MAP3K5: variants seen among roughly 807,000 people sequenced by gnomAD.
MAP3K5 encodes mitogen-activated protein kinase kinase kinase 5.
In MAP3K5, 56 loss-of-function variants were observed where a neutral mutation model predicts 158.7. The observed-to-expected ratio is 0.35, with a 90% CI of 0.28 to 0.44. The LOEUF is 0.44. Ranked by LOEUF, MAP3K5 falls within the 20% of genes least tolerant of loss-of-function variation. The probability of loss-of-function intolerance (pLI) is 1.00; values close to 1 mark genes in which losing one functional copy is unlikely to be tolerated. For missense variants in MAP3K5, 1,294 were observed against 1,674.8 expected, an observed-to-expected ratio of 0.77 and a Z score of 3.97; for synonymous variants, 579 against 601.7, an observed-to-expected ratio of 0.96 and a Z score of 0.55.
intron 9 of MAP3K5, among the ~76,000 whole-genome samples, chr6:136,657,144 T>C (rs760610258): frequency 6.6e-6 from 1 of 152,188 alleles, no homozygotes; most frequent in Non-Finnish European, 1.5e-5. Context: ...CTTTCCTAAA[T>C]AGACACTTCA....
At chr6:136,637,694 A>T (rs1343608522) in intron 13 of MAP3K5, among the ~76,000 whole-genome samples, 12 of 151,630 alleles carry the variant, frequency 7.9e-5, no homozygotes, top group Non-Finnish European at 1.6e-4. Flanking sequence ...CATTTCAGAG[A>T]CAAGCAAAGT....
chr6:136,767,119 A>G (rs184730925), intron 1 of MAP3K5, among the ~76,000 whole-genome samples: 17 of 152,322 alleles, frequency 1.1e-4, no homozygotes, highest in Admixed American at 1.0e-3. Context: ...TCTATAATAA[A>G]TCTTTCAAAA....
intron 7 of MAP3K5, among the ~76,000 whole-genome samples, chr6:136,671,666 C>T (rs1038872033): frequency 6.6e-5 from 10 of 152,102 alleles, no homozygotes; most frequent in African/African-American, 1.4e-4. Flanking sequence ...TAGGCTGGAG[C>T]GCAGTGACAC....
chr6:136,636,768 A>G (rs1373074239), intron 14 of MAP3K5: 1 of 916,604 alleles, frequency 1.1e-6, no homozygotes, highest in East Asian at 1.2e-4. Flanking sequence ...CATAACGAGA[A>G]CAAGTCTCTA....
intron 19 of MAP3K5, 134 bp from the exon 20 acceptor site, chr6:136,602,113 A>C: frequency 1.5e-6 from 1 of 676,604 alleles, no homozygotes; most frequent in Non-Finnish European, 2.5e-6. Flanking sequence ...GGCTTTTCTC[A>C]AAGGGAGATA....
At chr6:136,776,682 C>G (rs746565181) in intron 1 of MAP3K5, among the ~76,000 whole-genome samples, 11 of 152,228 alleles carry the variant, frequency 7.2e-5, no homozygotes, top group Non-Finnish European at 1.5e-4. Flanking sequence ...AATTCTTTAG[C>G]TTGGAGTTGT....
At chr6:136,730,862 T>C (rs767530451) in intron 1 of MAP3K5, among the ~76,000 whole-genome samples, 5 of 151,846 alleles carry the variant, frequency 3.3e-5, no homozygotes, top group Non-Finnish European at 7.4e-5. Context: ...ATATACCCAA[T>C]AGAAACACAG....
At chr6:136,772,101 G>T (rs1192631619) in intron 1 of MAP3K5, among the ~76,000 whole-genome samples, 3 of 143,262 alleles carry the variant, frequency 2.1e-5, no homozygotes, top group African/African-American at 7.8e-5. Flanking sequence ...GTAGAAATGG[G>T]GGGGGGGGGT....
At chr6:136,704,973 A>G (rs1165032130) in intron 3 of MAP3K5, 137 bp downstream of exon 3, 4 of 519,962 alleles carry the variant, frequency 7.7e-6, no homozygotes, top group Non-Finnish European at 1.4e-5. Flanking sequence ...CCATATTTAT[A>G]TTGATACATC....
Position 136,576,097 on chromosome 6 carries a change from C to T in MAP3K5, c.3517+4204G>A, listed in dbSNP as rs1035195912. Among the ~76,000 whole-genome samples the T allele has an allele frequency of 2.6e-5, 4 of 152,074 alleles. No individual in the cohort carries two copies. The East Asian group carries it at 7.7e-4, about 29-fold the overall frequency. ...TAACAAAAAGGTGATCTTTCTCGTCCATATATTTATTTATTCAATTATTTA... is the reference window on the plus strand; with the variant it reads ...TAACAAAAAGGTGATCTTTCTCGTCTATATATTTATTTATTCAATTATTTA... On this transcript the variant is annotated intron_variant, in intron 25 of 29. Coordinates refer to ENST00000359015, the MANE Select transcript of MAP3K5 (RefSeq NM_005923.4).
At chr6:136,784,154 C>T (rs532530016) in intron 1 of MAP3K5, among the ~76,000 whole-genome samples, 9 of 152,196 alleles carry the variant, frequency 5.9e-5, no homozygotes, top group South Asian at 2.1e-4. Flanking sequence ...GGAACCAGCT[C>T]GAACTACCAA....
chr6:136,784,735 AAAAT>A (rs1313645688), intron 1 of MAP3K5, among the ~76,000 whole-genome samples: 12 of 152,324 alleles, frequency 7.9e-5, no homozygotes, highest in African/African-American at 2.6e-4. Flanking sequence ...AGAAATGGGA[AAAAT>A]AAATAACAAG....
At chr6:136,752,156 T>C (rs1344620508) in intron 1 of MAP3K5, among the ~76,000 whole-genome samples, 6 of 152,220 alleles carry the variant, frequency 3.9e-5, no homozygotes, top group African/African-American at 1.2e-4. Flanking sequence ...AGTTAGCATC[T>C]ACCCTGTCCC....
rs142290285 is a variant in MAP3K5, at chr6:136,575,530, C to G, written c.3517+4771G>C. 1.3e-5 allele frequency among the ~76,000 whole-genome samples: 2 copies of G among 152,280 alleles called. 1 individual carries two copies. The highest frequency in any genetic ancestry group is 3.9e-4 in the East Asian group (2 of 5,174). ...TTTCACCAGTTTTCCTACCAATGTC[C>G]TTTTTCTGATCAAGGATCCCTCATT... On this transcript the variant is annotated intron_variant, in intron 25 of 29. Transcript: ENST00000359015.
At chr6:136,672,238 G>A (rs546878545) in intron 7 of MAP3K5, among the ~76,000 whole-genome samples, 1 of 152,100 alleles carries the variant, frequency 6.6e-6, no homozygotes, top group South Asian at 2.1e-4. Context: ...GTAATTAGGG[G>A]GAAATAAGAA....
At chr6:136,767,648 T>G (rs1784020600) in intron 1 of MAP3K5, among the ~76,000 whole-genome samples, 1 of 151,960 alleles carries the variant, frequency 6.6e-6, no homozygotes, top group African/African-American at 2.4e-5. Flanking sequence ...CAGTTAAAAA[T>G]AGGAGGAAGA....
Position 136,792,171 on chromosome 6 carries a change from G to A in MAP3K5, c.-14C>T, listed in dbSNP as rs760863794. ...CTCCGTGCTCATCTCTCCGGGCCGG[G>A]CAGCAACGGCGGCGGCGTCCCCCGC... On this transcript the variant is annotated 5_prime_UTR_variant, in exon 1 of 30. Transcript: ENST00000359015. The surrounding 1 kb of genome is among the most constrained non-coding windows in gnomAD (Gnocchi z 5.7). The A allele has an allele frequency of 1.2e-5, 18 of 1,537,734 alleles. No individual in the cohort carries two copies. Among genetic ancestry groups the A allele is most frequent in the African/African-American group, 7.0e-5 (5 of 71,292 alleles).
chr6:136,724,420 G>C (rs1167321854), intron 1 of MAP3K5, among the ~76,000 whole-genome samples: 19 of 151,870 alleles, frequency 1.3e-4, no homozygotes, highest in Non-Finnish European at 1.0e-4. Flanking sequence ...GCTAATTTTT[G>C]TATTTTTAGT....
At chr6:136,600,028 A>G (rs972281566) in intron 21 of MAP3K5, among the ~76,000 whole-genome samples, 1 of 152,084 alleles carries the variant, frequency 6.6e-6, no homozygotes, top group Non-Finnish European at 1.5e-5. Context: ...AACCCCAATT[A>G]ACAGGCCTCT....
Sources: gnomAD v4.1 joint callset for allele counts (sites outside exome capture counted in the v4.1 genomes callset) on GRCh38, gnomAD v4.1.1 for gene constraint, Gnocchi (gnomAD v3.1) non-coding constraint, MANE v1.5 for transcripts, NCBI Gene and HGNC (gene_info 2026-07-23, HGNC 2026-07-21) for gene names.